The following HPSE2 variants were observed in gnomAD, a reference collection of about 807,000 sequenced individuals.
The protein encoded by HPSE2 is heparanase 2 (inactive).
HPSE2 carries 38 observed loss-of-function variants against 60.5 expected under a neutral mutation model. The observed-to-expected ratio is 0.63, with a 90% confidence interval of 0.48 to 0.82. HPSE2 has a LOEUF of 0.82. Ranked by LOEUF, HPSE2 falls within the 40% of genes least tolerant of loss-of-function variation. HPSE2 has a pLI of 0.00. For missense variants in HPSE2, 713 were observed against 740.4 expected (o/e 0.96, Z 0.43); for synonymous variants, 295 against 293.2 (o/e 1.01, Z -0.06).
intron 3 of HPSE2, among the ~76,000 whole-genome samples, chr10:98,803,981 A>G (rs1406376787): frequency 6.6e-6 from 1 of 151,554 alleles, no homozygotes; most frequent in Non-Finnish European, 1.5e-5. Flanking sequence ...ATTTGTTTGT[A>G]TCCTCTTTTA....
At chr10:99,099,470 T>C (rs571267640) in intron 3 of HPSE2, among the ~76,000 whole-genome samples, 1 of 152,264 alleles carries the variant, frequency 6.6e-6, no homozygotes, top group African/African-American at 2.4e-5. Context: ...TGCTGAGGCT[T>C]GGGTAGGTAA....
At chr10:98,759,334 A>T (rs1331166047) in intron 3 of HPSE2, among the ~76,000 whole-genome samples, 2 of 152,112 alleles carry the variant, frequency 1.3e-5, no homozygotes, top group African/African-American at 4.8e-5. Context: ...CTCTGAACCT[A>T]AAATAAAAGT....
intron 9 of HPSE2, among the ~76,000 whole-genome samples, chr10:98,607,839 T>C (rs1346880933): frequency 6.6e-6 from 1 of 152,192 alleles, no homozygotes; most frequent in Non-Finnish European, 1.5e-5. Flanking sequence ...ATCAAATATA[T>C]ATCAAATACA....
intron 9 of HPSE2, among the ~76,000 whole-genome samples, chr10:98,600,101 T>C (rs1391421208): frequency 1.3e-5 from 2 of 152,178 alleles, no homozygotes; most frequent in African/African-American, 4.8e-5. Context: ...ATTCAGCAAA[T>C]AATTTTTTAG....
At chr10:98,697,837 G>A (rs1245566503) in intron 5 of HPSE2, among the ~76,000 whole-genome samples, 1 of 152,182 alleles carries the variant, frequency 6.6e-6, no homozygotes, top group Non-Finnish European at 1.5e-5. Context: ...AGCCAGAAGA[G>A]AGTGGGGGCC....
chr10:99,206,465 C>A (rs918883164), intron 2 of HPSE2, among the ~76,000 whole-genome samples: 1 of 150,996 alleles, frequency 6.6e-6, no homozygotes. Context: ...TGGTGGCATG[C>A]GCTATGGTCT....
intron 6 of HPSE2, among the ~76,000 whole-genome samples, chr10:98,644,828 TA>T (rs1469086149): frequency 6.6e-6 from 1 of 152,208 alleles, no homozygotes; most frequent in Non-Finnish European, 1.5e-5. Flanking sequence ...TTAAGCAGTT[TA>T]GCCTATTCTT....
chr10:98,839,920 A>T (rs560695969), intron 3 of HPSE2, among the ~76,000 whole-genome samples: 1 of 152,242 alleles, frequency 6.6e-6, no homozygotes, highest in Non-Finnish European at 1.5e-5. Context: ...GAGAAGCATA[A>T]ATGGGAGAAA....
intron 3 of HPSE2, among the ~76,000 whole-genome samples, chr10:98,999,523 CTT>C (rs1283747787): frequency 6.6e-6 from 1 of 152,114 alleles, no homozygotes; most frequent in Non-Finnish European, 1.5e-5. Context: ...CTTCAAATCT[CTT>C]GTTTTTCTTC....
At chr10:99,222,650 T>C (rs1221245262) in intron 2 of HPSE2, among the ~76,000 whole-genome samples, 1 of 152,220 alleles carries the variant, frequency 6.6e-6, no homozygotes, top group African/African-American at 2.4e-5. Context: ...AATAACACCA[T>C]TGATCCATTT....
intron 6 of HPSE2, among the ~76,000 whole-genome samples, chr10:98,692,849 T>A (rs535858865): frequency 1.4e-4 from 22 of 152,340 alleles, no homozygotes; most frequent in East Asian, 1.9e-4. Context: ...GGGAACTTAG[T>A]ATAAATGTAG....
chr10:98,658,932 T>C (rs1589590366), intron 6 of HPSE2, among the ~76,000 whole-genome samples: 2 of 151,824 alleles, frequency 1.3e-5, no homozygotes, highest in East Asian at 3.9e-4. Flanking sequence ...TTTTTTTAAT[T>C]GAGATAAAAC....
At chr10:98,889,602 A>C (rs769681831) in intron 3 of HPSE2, among the ~76,000 whole-genome samples, 3 of 152,200 alleles carry the variant, frequency 2.0e-5, no homozygotes, top group Non-Finnish European at 4.4e-5. Context: ...AGCATATAGA[A>C]GGAAAATACA....
intron 3 of HPSE2, among the ~76,000 whole-genome samples, chr10:98,975,942 AAATAG>A (rs1362850707): frequency 2.6e-5 from 4 of 152,212 alleles, no homozygotes; most frequent in East Asian, 1.9e-4. Context: ...CAGGTTTTAG[AAATAG>A]AATAGAACTA....
chr10:99,104,287 A>G (rs2135657012), intron 3 of HPSE2, among the ~76,000 whole-genome samples: 1 of 152,338 alleles, frequency 6.6e-6, no homozygotes, highest in African/African-American at 2.4e-5. Context: ...CAAATTTACA[A>G]GAAAAAAACA....
Position 98,679,839 on chromosome 10 carries a change from G to A in HPSE2, c.1004+14061C>T, listed in dbSNP as rs571628373. ...CCTGTGTAGCTAGAACTACATGCAC[G>A]CCACCACACCCGGCTAATTTTTTTT... On this transcript the variant is annotated intron_variant, in intron 6 of 11. Transcript: ENST00000370552. Among the ~76,000 whole-genome samples the A allele has an allele frequency of 2.6e-5, 4 of 151,838 alleles. No individual in the cohort carries two copies. In the East Asian group the frequency reaches 5.8e-4, roughly 22 times the overall value.
At chr10:99,089,479 G>A (rs1232993997) in intron 3 of HPSE2, among the ~76,000 whole-genome samples, 3 of 151,960 alleles carry the variant, frequency 2.0e-5, no homozygotes, top group Non-Finnish European at 2.9e-5. Context: ...TCAGTTGGCC[G>A]TTAAGTATTT....
chr10:98,674,489 C>T (rs1335115955), intron 6 of HPSE2, among the ~76,000 whole-genome samples: 4 of 152,222 alleles, frequency 2.6e-5, no homozygotes, highest in South Asian at 4.1e-4. Flanking sequence ...ATCACATCTT[C>T]CATTTAGCTT....
At chr10:98,739,457 AAAG>A (rs1474678737) in intron 4 of HPSE2, among the ~76,000 whole-genome samples, 228 of 152,224 alleles carry the variant, frequency 1.5e-3, no homozygotes, top group African/African-American at 4.4e-3. Flanking sequence ...GTAAAAAAAA[AAAG>A]AAGAAGAAAA....
Sources: allele counts gnomAD v4.1 joint callset (sites outside exome capture counted in the v4.1 genomes callset), GRCh38; gene constraint gnomAD v4.1.1; transcripts MANE v1.5; gene names NCBI Gene and HGNC (gene_info 2026-07-23, HGNC 2026-07-21).